Variants in TTLL5 observed in about 807,000 individuals in gnomAD.
The protein encoded by TTLL5 is tubulin polyglutamylase TTLL5.
Under a neutral mutation model 168.4 loss-of-function variants are expected in TTLL5, and 132 were observed. The ratio of observed to expected loss-of-function variants is 0.78; its 90% CI spans 0.68 to 0.91. The LOEUF is 0.91. TTLL5 is among the 40% of genes least tolerant of loss of function. TTLL5 has a pLI of 0.00. For missense variants in TTLL5, 1,545 were observed against 1,581.5 expected, an observed-to-expected ratio of 0.98 and a Z score of 0.39; for synonymous variants, 546 against 558.6, an observed-to-expected ratio of 0.98 and a Z score of 0.32.
intron 6 of TTLL5, among the ~76,000 whole-genome samples, chr14:75,692,138 A>G (rs931442375): frequency 1.3e-5 from 2 of 152,212 alleles, no homozygotes; most frequent in African/African-American, 4.8e-5. Context: ...TAATGTCCGC[A>G]TCTATAAAAT....
chr14:75,785,250 G>A lies in TTLL5; in HGVS notation c.2986+1720G>A, dbSNP rs577674768. 6.2e-5 allele frequency among the ~76,000 whole-genome samples: 9 copies of A among 145,798 alleles called. No individual in the cohort carries two copies. In the South Asian group the frequency reaches 1.7e-3, roughly 28 times the overall value. On this transcript the variant is annotated intron_variant, in intron 26 of 31. Coordinates refer to ENST00000298832, the MANE Select transcript of TTLL5 (RefSeq NM_015072.5). ...GGCTGGAGTGCAGTGGCACGATCTCGGCCCACTGCATCTTCCACCTCCAGG... is the reference window on the plus strand; with the variant it reads ...GGCTGGAGTGCAGTGGCACGATCTCAGCCCACTGCATCTTCCACCTCCAGG...
At chr14:75,775,704 G>C (rs948920393) in intron 22 of TTLL5, 74 bp downstream of exon 22, 1 of 1,535,186 alleles carries the variant, frequency 6.5e-7, no homozygotes, top group Admixed American at 1.8e-5. Context: ...AGAAGCCTCT[G>C]TCCAACTGGA....
At chr14:75,857,469 G>C (rs61980816) in intron 28 of TTLL5, among the ~76,000 whole-genome samples, 2 of 152,056 alleles carry the variant, frequency 1.3e-5, no homozygotes, top group South Asian at 2.1e-4. Context: ...GTGTTCATCA[G>C]GCATATTGGT....
At chr14:75,689,034 C>T (rs1352870461) in intron 5 of TTLL5, among the ~76,000 whole-genome samples, 1 of 152,194 alleles carries the variant, frequency 6.6e-6, no homozygotes, top group Non-Finnish European at 1.5e-5. Context: ...TGGAATATGA[C>T]AGAAGTGATT....
chr14:75,725,273 G>A (rs981352216), intron 12 of TTLL5, among the ~76,000 whole-genome samples: 19 of 152,200 alleles, frequency 1.2e-4, no homozygotes, highest in Middle Eastern at 3.2e-3. Context: ...CTCCAACAAT[G>A]TAAACTACTT....
chr14:75,890,921 G>A lies in TTLL5; in HGVS notation c.3740+8019G>A, dbSNP rs968672795. Among the ~76,000 whole-genome samples the A allele has an allele frequency of 5.3e-5, 8 of 152,030 alleles. 1 individual carries two copies. Among genetic ancestry groups the A allele is most frequent in the South Asian group, 2.1e-4 (1 of 4,814 alleles). Reference sequence around the variant, plus strand: ...TTTTTAGTAGAGACGGGGTTTCACCGTGTTGCCCAGGGTGGTCTTGATCTC... The same window carrying A: ...TTTTTAGTAGAGACGGGGTTTCACCATGTTGCCCAGGGTGGTCTTGATCTC... On this transcript the variant is annotated intron_variant, in intron 30 of 31. Transcript: ENST00000298832.
intron 18 of TTLL5, among the ~76,000 whole-genome samples, chr14:75,757,274 G>C (rs765938953): frequency 6.6e-6 from 1 of 152,090 alleles, no homozygotes; most frequent in African/African-American, 2.4e-5. Flanking sequence ...CAATGCGCCC[G>C]TCCTTTTAAT....
At position 75,732,342 on chromosome 14, in the gene TTLL5, C is replaced by G; in HGVS notation, c.1047C>G (p.Leu349=). The G allele has an allele frequency of 6.2e-7, 1 of 1,613,514 alleles. No individual in the cohort carries two copies. Among genetic ancestry groups the G allele is most frequent in the Non-Finnish European group, 8.5e-7 (1 of 1,179,708 alleles). The change falls in exon 13 of 32, where the codon CTC becomes CTG. Residue 349 remains leucine (L), a synonymous_variant. Transcript: ENST00000298832. ...FVPHRSSCFE[L]YGFDVLIDST... is the part of the protein sequence containing the mutation. Reference sequence around the variant, plus strand: ...TGTGTTGTGTTGTATTTCTAGAACTCTATGGCTTTGACGTGCTCATAGATT... The same window carrying G: ...TGTGTTGTGTTGTATTTCTAGAACTGTATGGCTTTGACGTGCTCATAGATT...
intron 31 of TTLL5, chr14:75,904,155 C>A (rs1455150689): frequency 3.7e-5 from 47 of 1,269,734 alleles, no homozygotes; most frequent in Non-Finnish European, 4.6e-5. Context: ...CATTTTAGAA[C>A]CTGAATTCAA....
intron 16 of TTLL5, 36 bp from the exon 17 acceptor site, chr14:75,745,454 A>C (rs747558175): frequency 1.7e-5 from 27 of 1,607,832 alleles, no homozygotes; most frequent in East Asian, 2.2e-5. Flanking sequence ...TCCGGTTTTC[A>C]AAATAGGTAC....
At chr14:75,795,474 A>G (rs1448443610) in intron 27 of TTLL5, among the ~76,000 whole-genome samples, 2 of 152,130 alleles carry the variant, frequency 1.3e-5, no homozygotes, top group African/African-American at 2.4e-5. Context: ...GTGTTTGGTT[A>G]CATGGATAAG....
intron 3 of TTLL5, among the ~76,000 whole-genome samples, chr14:75,670,126 A>G (rs559878168): frequency 1.3e-5 from 2 of 152,312 alleles, no homozygotes; most frequent in East Asian, 1.9e-4. Flanking sequence ...ATTCCATTGT[A>G]TATGCTAATG....
At chr14:75,923,201 C>G (rs879381802) in intron 31 of TTLL5, among the ~76,000 whole-genome samples, 1 of 152,170 alleles carries the variant, frequency 6.6e-6, no homozygotes, top group Admixed American at 6.5e-5. Flanking sequence ...TTTTGTGTCT[C>G]TATCTCTTTC....
intron 28 of TTLL5, among the ~76,000 whole-genome samples, chr14:75,843,945 G>C (rs763663265): frequency 2.0e-5 from 3 of 148,768 alleles, no homozygotes; most frequent in Non-Finnish European, 4.4e-5. Context: ...CCAGGCTGGA[G>C]TGCAGTGGCA....
At chr14:75,889,974 T>C (rs1339068110) in intron 30 of TTLL5, among the ~76,000 whole-genome samples, 1 of 151,790 alleles carries the variant, frequency 6.6e-6, no homozygotes, top group African/African-American at 2.4e-5. Flanking sequence ...TACTCAAAGG[T>C]AAATTCATAA....
chr14:75,709,100 A>G (rs1410541873), intron 9 of TTLL5: 5 of 698,222 alleles, frequency 7.2e-6, no homozygotes, highest in Admixed American at 2.1e-5. Flanking sequence ...AAAGCATAGC[A>G]GTTTAGGAGG....
At chr14:75,785,176 C>CTTT (rs903930146) in intron 26 of TTLL5, among the ~76,000 whole-genome samples, 119 of 102,550 alleles carry the variant, frequency 1.2e-3, no homozygotes, top group Non-Finnish European at 1.3e-3. Context: ...AGATTTCCTC[C>CTTT]TTTTTTTTTT....
At chr14:75,873,826 T>A (rs1566640292) in intron 29 of TTLL5, among the ~76,000 whole-genome samples, 1 of 152,192 alleles carries the variant, frequency 6.6e-6, no homozygotes, top group Non-Finnish European at 1.5e-5. Context: ...TAAATATACA[T>A]GGCATTATGA....
intron 28 of TTLL5, among the ~76,000 whole-genome samples, chr14:75,826,262 T>G (rs1222435372): frequency 6.7e-6 from 1 of 150,218 alleles, no homozygotes; most frequent in Non-Finnish European, 1.5e-5. Flanking sequence ...GAAGTATTAA[T>G]GATAAACCAC....
Sources: gnomAD v4.1 joint callset for allele counts (sites outside exome capture counted in the v4.1 genomes callset) on GRCh38, gnomAD v4.1.1 for gene constraint, MANE v1.5 for transcripts, NCBI Gene and HGNC (gene_info 2026-07-23, HGNC 2026-07-21) for gene names.